The following LRMDA variants were observed in gnomAD, a reference collection of about 807,000 sequenced individuals.
LRMDA encodes leucine-rich melanocyte differentiation-associated protein.
Under a neutral mutation model 29.8 loss-of-function variants are expected in LRMDA, and 18 were observed. That is an observed-to-expected ratio of 0.60 (90% CI 0.42 to 0.90). The LOEUF is 0.90. Ranked by LOEUF, LRMDA falls within the 40% of genes least tolerant of loss-of-function variation. LRMDA has a pLI of 0.00. For synonymous variants in LRMDA, 125 were observed against 109.4 expected (o/e 1.14, Z -0.89); for missense variants, 273 against 273.9 (o/e 1.00, Z 0.02).
chr10:76,271,580 G>A (rs1189133405), intron 5 of LRMDA, among the ~76,000 whole-genome samples: 1 of 152,048 alleles, frequency 6.6e-6, no homozygotes, highest in East Asian at 1.9e-4. Context: ...CATCCATCTT[G>A]TTTATTGTTT....
At chr10:75,903,548 G>A (rs1046910196) in intron 2 of LRMDA, among the ~76,000 whole-genome samples, 6 of 152,188 alleles carry the variant, frequency 3.9e-5, no homozygotes, top group Non-Finnish European at 7.3e-5. Flanking sequence ...CCCCGCATTT[G>A]CATAGTTTAT....
chr10:76,274,649 C>CTATG (rs1840108824), intron 5 of LRMDA, among the ~76,000 whole-genome samples: 1 of 152,072 alleles, frequency 6.6e-6, no homozygotes. Context: ...AGCTGCTTTG[C>CTATG]TATGTATCAG....
At chr10:76,462,059 C>A (rs1261865761) in intron 6 of LRMDA, among the ~76,000 whole-genome samples, 190 of 122,074 alleles carry the variant, frequency 1.6e-3, no homozygotes, top group South Asian at 2.3e-3. Context: ...AACTCTGTCT[C>A]AAAAAAAAAA....
chr10:75,575,931 C>A (rs928197151), intron 2 of LRMDA, among the ~76,000 whole-genome samples: 1 of 151,476 alleles, frequency 6.6e-6, no homozygotes, highest in Non-Finnish European at 1.5e-5. Context: ...CAAAACTGGG[C>A]GGCCGTTTGG....
intron 5 of LRMDA, among the ~76,000 whole-genome samples, chr10:76,204,193 C>T (rs1360535217): frequency 2.0e-5 from 3 of 151,138 alleles, no homozygotes; most frequent in African/African-American, 7.3e-5. Flanking sequence ...ATCTACCCAT[C>T]TCTATTCCAT....
intron 2 of LRMDA, among the ~76,000 whole-genome samples, chr10:75,893,797 G>A (rs2132356248): frequency 6.6e-6 from 1 of 152,186 alleles, no homozygotes; most frequent in African/African-American, 2.4e-5. Flanking sequence ...AGCTGGGCGT[G>A]GTGGCATGTG....
At chr10:75,639,083 A>T (rs1564528242) in intron 2 of LRMDA, among the ~76,000 whole-genome samples, 1 of 152,208 alleles carries the variant, frequency 6.6e-6, no homozygotes, top group Non-Finnish European at 1.5e-5. Context: ...TTCTTAAGAA[A>T]GAAAAGGGAG....
intron 5 of LRMDA, among the ~76,000 whole-genome samples, chr10:76,231,889 A>G (rs1188974718): frequency 6.6e-6 from 1 of 152,206 alleles, no homozygotes; most frequent in African/African-American, 2.4e-5. Flanking sequence ...TATACAAACC[A>G]CAGGAGGGAA....
chr10:75,992,778 T>C (rs1377878551), intron 2 of LRMDA, among the ~76,000 whole-genome samples: 1 of 152,032 alleles, frequency 6.6e-6, no homozygotes, highest in Non-Finnish European at 1.5e-5. Flanking sequence ...CTGTTTACTG[T>C]GTGGTGAAGG....
chr10:76,170,524 G>C (rs1306516179), intron 5 of LRMDA, among the ~76,000 whole-genome samples: 4 of 152,160 alleles, frequency 2.6e-5, no homozygotes, highest in African/African-American at 4.8e-5. Flanking sequence ...AAGTCCGTTT[G>C]CTTCTCTGAG....
chr10:75,453,206 G>A (rs561677789), intron 2 of LRMDA, among the ~76,000 whole-genome samples: 1 of 152,198 alleles, frequency 6.6e-6, no homozygotes, highest in African/African-American at 2.4e-5. Flanking sequence ...CAGAGACAGA[G>A]AGAGAAAATG....
intron 2 of LRMDA, among the ~76,000 whole-genome samples, chr10:75,448,977 C>A (rs1844426378): frequency 6.6e-6 from 1 of 152,174 alleles, no homozygotes; most frequent in East Asian, 1.9e-4. Context: ...CATGGCAAAA[C>A]CCCATCTCTA....
intron 2 of LRMDA, among the ~76,000 whole-genome samples, chr10:76,030,720 C>T (rs1339268803): frequency 2.0e-5 from 3 of 152,190 alleles, no homozygotes; most frequent in South Asian, 4.1e-4. Flanking sequence ...ACCTGGGAGG[C>T]GGAGGTTGCA....
rs1408398366 is a variant in LRMDA, at chr10:76,157,713, TA to T, written c.516+98938del. ...ACTCATTTTTTAGCATTAGTGACAATAAAAAAAATTATGTGTATGTGTGTAT... is the reference window on the plus strand; with the variant it reads ...ACTCATTTTTTAGCATTAGTGACAATAAAAAAATTATGTGTATGTGTGTAT... On this transcript the variant is annotated intron_variant, in intron 5 of 6. Transcript: ENST00000611255. Among the ~76,000 whole-genome samples, 10 of 151,238 alleles carry T rather than the reference TA, an allele frequency of 6.6e-5. No homozygotes were observed. In the East Asian group the frequency reaches 7.8e-4, roughly 12 times the overall value.
intron 5 of LRMDA, among the ~76,000 whole-genome samples, chr10:76,192,981 T>C (rs556200274): frequency 2.0e-5 from 3 of 152,338 alleles, no homozygotes; most frequent in South Asian, 2.1e-4. Context: ...TTAAAGACTT[T>C]ATAAAATGTT....
chr10:76,087,826 A>T (rs1243407081), intron 5 of LRMDA, among the ~76,000 whole-genome samples: 14 of 152,196 alleles, frequency 9.2e-5, no homozygotes. Context: ...AAAATATAGC[A>T]AGAACTCTTA....
chr10:75,729,287 T>C (rs1290039059), intron 2 of LRMDA, among the ~76,000 whole-genome samples: 1 of 152,200 alleles, frequency 6.6e-6, no homozygotes, highest in African/African-American at 2.4e-5. Flanking sequence ...GTTCTATGTG[T>C]CCACTGAAAT....
At chr10:75,567,860 T>A (rs1266964791) in intron 2 of LRMDA, among the ~76,000 whole-genome samples, 1 of 152,186 alleles carries the variant, frequency 6.6e-6, no homozygotes, top group Non-Finnish European at 1.5e-5. Flanking sequence ...TGGGCCCACT[T>A]TGCTTTGTTA....
chr10:76,166,224 A>G (rs1396950058), intron 5 of LRMDA, among the ~76,000 whole-genome samples: 2 of 152,222 alleles, frequency 1.3e-5, no homozygotes, highest in African/African-American at 4.8e-5. Flanking sequence ...GTTCTCAGTC[A>G]AAACCATGGA....
Sources: allele counts gnomAD v4.1 joint callset (sites outside exome capture counted in the v4.1 genomes callset), GRCh38; gene constraint gnomAD v4.1.1; transcripts MANE v1.5; gene names NCBI Gene and HGNC (gene_info 2026-07-23, HGNC 2026-07-21).